CYP2C18: variants seen among roughly 807,000 people sequenced by gnomAD.
CYP2C18 encodes the protein cytochrome P450 family 2 subfamily C member 18.
In CYP2C18, 38 loss-of-function variants were observed where a neutral mutation model predicts 41.3. That is an observed-to-expected ratio of 0.92 (90% CI 0.71 to 1.21). CYP2C18 has a LOEUF of 1.21. Ranked by LOEUF, CYP2C18 falls within the 50% of genes most tolerant of loss-of-function variation. CYP2C18 has a pLI of 0.00. For missense variants in CYP2C18, 635 were observed against 591.4 expected (o/e 1.07, Z -0.77); for synonymous variants, 236 against 210.0 (o/e 1.12, Z -1.07).
chr10:94,721,157 G>C (rs1847639318), intron 6 of CYP2C18, among the ~76,000 whole-genome samples: 1 of 151,972 alleles, frequency 6.6e-6, no homozygotes, highest in Admixed American at 6.6e-5. Flanking sequence ...GGGATTACAG[G>C]TGTACCCACC....
intron 5 of CYP2C18, among the ~76,000 whole-genome samples, chr10:94,712,187 TGAATCAATGGATGTG>T (rs1384128241): frequency 6.6e-6 from 1 of 150,830 alleles, no homozygotes; most frequent in Non-Finnish European, 1.5e-5. Flanking sequence ...TAAGGTTGGT[TGAATCAATGGATGTG>T]GAATCCATGG....
intron 7 of CYP2C18, among the ~76,000 whole-genome samples, chr10:94,728,130 G>GT (rs766307155): frequency 5.5e-4 from 83 of 151,638 alleles, no homozygotes; most frequent in Non-Finnish European, 1.0e-3. Context: ...ATCACGAACA[G>GT]TTTTTTTTAG....
intron 5 of CYP2C18, among the ~76,000 whole-genome samples, chr10:94,712,921 A>G (rs1283184386): frequency 1.3e-5 from 2 of 152,082 alleles, no homozygotes; most frequent in African/African-American, 2.4e-5. Context: ...TTTAATTTGT[A>G]ACTTTTTAAT....
intron 7 of CYP2C18, among the ~76,000 whole-genome samples, chr10:94,727,768 G>C (rs1847768576): frequency 6.6e-6 from 1 of 151,966 alleles, no homozygotes; most frequent in Non-Finnish European, 1.5e-5. Flanking sequence ...TGTGTGTGTA[G>C]GTATATAGTA....
At chr10:94,725,055 A>T (rs1847715645) in intron 7 of CYP2C18, among the ~76,000 whole-genome samples, 1 of 148,522 alleles carries the variant, frequency 6.7e-6, no homozygotes, top group Non-Finnish European at 1.5e-5. Context: ...ATGTAATTGT[A>T]AGTTGTGTAT....
chr10:94,714,371 G>C (rs558490745), intron 5 of CYP2C18, among the ~76,000 whole-genome samples: 206 of 152,284 alleles, frequency 1.4e-3, no homozygotes, highest in Admixed American at 1.8e-3. Context: ...GTAAGGAAGG[G>C]ATCCAGTTTC....
chr10:94,692,081 AC>A (rs1205506953), intron 3 of CYP2C18, among the ~76,000 whole-genome samples: 1 of 152,156 alleles, frequency 6.6e-6, no homozygotes, highest in African/African-American at 2.4e-5. Context: ...CTAGAAGAAA[AC>A]CTAGGCAATA....
intron 3 of CYP2C18, among the ~76,000 whole-genome samples, chr10:94,694,567 T>C (rs959581460): frequency 1.3e-5 from 2 of 152,210 alleles, no homozygotes; most frequent in African/African-American, 2.4e-5. Context: ...ACAGATGTTA[T>C]TTTGCACTGA....
intron 5 of CYP2C18, among the ~76,000 whole-genome samples, chr10:94,713,107 A>T (rs1847468648): frequency 6.6e-6 from 1 of 151,870 alleles, no homozygotes; most frequent in Non-Finnish European, 1.5e-5. Context: ...TATAGTTTTT[A>T]ATTTTAATTT....
At chr10:94,690,501 G>A (rs2134176173) in intron 3 of CYP2C18, among the ~76,000 whole-genome samples, 1 of 152,226 alleles carries the variant, frequency 6.6e-6, no homozygotes, top group South Asian at 2.1e-4. Context: ...TTGAATCTCT[G>A]AATAGACCAA....
At chr10:94,692,327 GA>G (rs981448818) in intron 3 of CYP2C18, among the ~76,000 whole-genome samples, 74 of 145,548 alleles carry the variant, frequency 5.1e-4, no homozygotes, top group African/African-American at 1.4e-3. Flanking sequence ...AAATTTACAA[GA>G]AAAAAAAAAG....
intron 5 of CYP2C18, among the ~76,000 whole-genome samples, chr10:94,719,245 G>A (rs1847606792): frequency 6.6e-6 from 1 of 151,546 alleles, no homozygotes; most frequent in South Asian, 2.1e-4. Context: ...ATACAAATAA[G>A]AAAAAAAATT....
intron 5 of CYP2C18, among the ~76,000 whole-genome samples, chr10:94,714,400 A>C (rs1210258084): frequency 2.0e-5 from 3 of 152,226 alleles, no homozygotes; most frequent in Non-Finnish European, 4.4e-5. Context: ...ACATATGGCT[A>C]GCCAGTTTTC....
At chr10:94,687,295 C>G (rs1846905251) in intron 1 of CYP2C18, among the ~76,000 whole-genome samples, 1 of 151,242 alleles carries the variant, frequency 6.6e-6, no homozygotes, top group Admixed American at 6.6e-5. Context: ...TGACAGGACT[C>G]CTGCATCAGG....
At chr10:94,715,564 T>C (rs1359953759) in intron 5 of CYP2C18, among the ~76,000 whole-genome samples, 1 of 152,204 alleles carries the variant, frequency 6.6e-6, no homozygotes, top group Non-Finnish European at 1.5e-5. Context: ...CTTTTTAATG[T>C]GCTGCTGGAA....
chr10:94,699,611 T>C (rs2134184838), intron 4 of CYP2C18, among the ~76,000 whole-genome samples: 1 of 152,288 alleles, frequency 6.6e-6, no homozygotes, highest in Non-Finnish European at 1.5e-5. Flanking sequence ...CAACTAGTGT[T>C]GGAGGTTCTG....
chr10:94,734,000 G>C (rs1847877386), intron 8 of CYP2C18, among the ~76,000 whole-genome samples: 1 of 152,016 alleles, frequency 6.6e-6, no homozygotes, highest in Admixed American at 6.6e-5. Flanking sequence ...CCTGCTTCCT[G>C]CTCATTCATA....
intron 5 of CYP2C18, among the ~76,000 whole-genome samples, chr10:94,709,587 CA>C (rs1847399784): frequency 6.6e-6 from 1 of 152,046 alleles, no homozygotes; most frequent in Admixed American, 6.6e-5. Flanking sequence ...TTTTGAAATA[CA>C]AGTTTTTAGT....
At chr10:94,719,924 C>T (rs1427710161) in intron 5 of CYP2C18, among the ~76,000 whole-genome samples, 2 of 151,900 alleles carry the variant, frequency 1.3e-5, no homozygotes, top group East Asian at 3.9e-4. Context: ...GTTGCCCAGG[C>T]TGGTGTCAAA....
Sources: allele counts gnomAD v4.1 joint callset (sites outside exome capture counted in the v4.1 genomes callset), GRCh38; gene constraint gnomAD v4.1.1; transcripts MANE v1.5; gene names NCBI Gene and HGNC (gene_info 2026-07-23, HGNC 2026-07-21).